GALNT13: variants seen among roughly 807,000 people sequenced by gnomAD.
GALNT13 encodes the protein UDP-GalNAc:polypeptide N-acetylgalactosaminyltransferase 13.
GALNT13 carries 28 observed loss-of-function variants against 64.2 expected under a neutral mutation model. The observed-to-expected ratio is 0.44, with a 90% CI of 0.32 to 0.60. The LOEUF (loss-of-function observed/expected upper bound fraction) is 0.60. Ranked by LOEUF, GALNT13 falls within the 20% of genes least tolerant of loss-of-function variation. The probability of loss-of-function intolerance (pLI) is 0.05; values close to 1 mark genes in which losing one functional copy is unlikely to be tolerated. For synonymous variants in GALNT13, 214 were observed against 224.6 expected, an observed-to-expected ratio of 0.95 and a Z score of 0.42; for missense variants, 577 against 669.8, an observed-to-expected ratio of 0.86 and a Z score of 1.53.
intron 9 of GALNT13, among the ~76,000 whole-genome samples, chr2:154,310,098 C>T (rs1693951538): frequency 6.6e-6 from 1 of 152,168 alleles, no homozygotes; most frequent in South Asian, 2.1e-4. Flanking sequence ...AATACTGCCA[C>T]CTTTGCTTAA....
the GALNT13 span, among the ~76,000 whole-genome samples, chr2:153,199,044 A>G: frequency 1.3e-5 from 2 of 151,992 alleles, no homozygotes; most frequent in African/African-American, 4.8e-5. Context: ...CTTTTGGGGT[A>G]CTCTCAGACT....
chr2:153,644,512 G>A, the GALNT13 span, among the ~76,000 whole-genome samples: 1 of 151,990 alleles, frequency 6.6e-6, no homozygotes, highest in African/African-American at 2.4e-5. Context: ...AGCAGTACTA[G>A]TAGAGGGATC....
chr2:153,458,950 C>G, the GALNT13 span, among the ~76,000 whole-genome samples: 1,046 of 152,196 alleles, frequency 6.9e-3, 12 homozygotes, highest in African/African-American at 0.024. Context: ...AGATATGACT[C>G]TTAAAATCTA....
At chr2:154,373,562 G>A (rs555326433) in intron 9 of GALNT13, among the ~76,000 whole-genome samples, 1 of 152,298 alleles carries the variant, frequency 6.6e-6, no homozygotes, top group East Asian at 1.9e-4. Flanking sequence ...GTAAGGGATA[G>A]AACAGACAAC....
intron 10 of GALNT13, among the ~76,000 whole-genome samples, chr2:154,396,342 AT>A (rs977222499): frequency 1.5e-4 from 23 of 152,116 alleles, no homozygotes; most frequent in Admixed American, 1.3e-3. Context: ...CAAAAAAAAA[AT>A]TTTTTTAACA....
At chr2:153,703,065 T>C in the GALNT13 span, among the ~76,000 whole-genome samples, 1 of 151,896 alleles carries the variant, frequency 6.6e-6, no homozygotes, top group Non-Finnish European at 1.5e-5. Context: ...AGGGGGTGAG[T>C]GATTACATGA....
At chr2:153,264,150 A>T in the GALNT13 span, among the ~76,000 whole-genome samples, 2 of 152,254 alleles carry the variant, frequency 1.3e-5, no homozygotes, top group African/African-American at 2.4e-5. Flanking sequence ...GACCCTTCTG[A>T]AAAGAAGACA....
intron 4 of GALNT13, among the ~76,000 whole-genome samples, chr2:154,172,238 T>C (rs1198875954): frequency 6.6e-6 from 1 of 152,080 alleles, no homozygotes; most frequent in African/African-American, 2.4e-5. Context: ...AATACATTCA[T>C]AAAATTTGTA....
chr2:153,546,248 A>T, the GALNT13 span, among the ~76,000 whole-genome samples: 79,864 of 152,154 alleles, frequency 0.52, 22,451 homozygotes, highest in East Asian at 0.77. Context: ...TTTGCTTAGA[A>T]TGAAATTAAA....
At chr2:154,250,890 A>G (rs1690034231) in intron 7 of GALNT13, among the ~76,000 whole-genome samples, 1 of 152,112 alleles carries the variant, frequency 6.6e-6, no homozygotes, top group Admixed American at 6.6e-5. Context: ...GGAAAGGTCA[A>G]CGTTGTGAGC....
the GALNT13 span, among the ~76,000 whole-genome samples, chr2:153,360,274 T>A: frequency 6.6e-6 from 1 of 152,168 alleles, no homozygotes; most frequent in African/African-American, 2.4e-5. Flanking sequence ...TCCATGGAAC[T>A]GTGCAACCGA....
intron 3 of GALNT13, among the ~76,000 whole-genome samples, chr2:154,132,451 T>C (rs1574564829): frequency 1.3e-5 from 2 of 152,282 alleles, no homozygotes; most frequent in East Asian, 1.9e-4. Context: ...CTATGCATCA[T>C]TTTAATCACT....
intron 6 of GALNT13, 77 bp downstream of exon 6, chr2:154,242,982 C>A: frequency 8.4e-7 from 1 of 1,197,058 alleles, no homozygotes; most frequent in Non-Finnish European, 1.2e-6. Flanking sequence ...ATCAGAATTT[C>A]TCTTCCAAGT....
chr2:153,657,965 C>A, the GALNT13 span, among the ~76,000 whole-genome samples: 1 of 151,994 alleles, frequency 6.6e-6, no homozygotes, highest in Non-Finnish European at 1.5e-5. Flanking sequence ...CCTAAGTCTG[C>A]CTTCTGCAGC....
chr2:154,109,027 T>G (rs2105482466), intron 3 of GALNT13, among the ~76,000 whole-genome samples: 1 of 152,190 alleles, frequency 6.6e-6, no homozygotes, highest in African/African-American at 2.4e-5. Context: ...ATTTGAGGGT[T>G]TTATTGGTTT....
At chr2:153,882,947 TAAAG>T (rs1164862869) in intron 1 of GALNT13, among the ~76,000 whole-genome samples, 1 of 150,660 alleles carries the variant, frequency 6.6e-6, no homozygotes, top group African/African-American at 2.4e-5. Context: ...ACATGAAAAA[TAAAG>T]AGACCAAGTT....
the GALNT13 span, among the ~76,000 whole-genome samples, chr2:153,369,272 C>T: frequency 6.6e-6 from 1 of 151,604 alleles, no homozygotes; most frequent in African/African-American, 2.4e-5. Context: ...AAAGAGCTGA[C>T]TAAACTCAAA....
chr2:153,491,259 A>C, the GALNT13 span, among the ~76,000 whole-genome samples: 1 of 152,116 alleles, frequency 6.6e-6, no homozygotes, highest in Non-Finnish European at 1.5e-5. Context: ...AATTTAACAG[A>C]TATACAATAA....
the GALNT13 span, among the ~76,000 whole-genome samples, chr2:153,290,987 A>G: frequency 4.0e-4 from 61 of 152,112 alleles, no homozygotes; most frequent in South Asian, 8.3e-4. Flanking sequence ...GTTGTTTTAC[A>G]TTTTCCTTGT....
Sources: allele counts gnomAD v4.1 joint callset (sites outside exome capture counted in the v4.1 genomes callset), GRCh38; gene constraint gnomAD v4.1.1; transcripts MANE v1.5; gene names NCBI Gene and HGNC (gene_info 2026-07-23, HGNC 2026-07-21).